Variants in PBX4 observed in about 807,000 individuals in gnomAD.
PBX4 encodes pre-B-cell leukemia transcription factor 4.
PBX4 carries 26 observed loss-of-function variants against 35.1 expected under a neutral mutation model. The ratio of observed to expected loss-of-function variants is 0.74; its 90% CI spans 0.54 to 1.03. PBX4 has a LOEUF of 1.03. PBX4 is among the 50% of genes least tolerant of loss of function. The pLI is 0.00. For missense variants in PBX4, 448 were observed against 504.3 expected, an observed-to-expected ratio of 0.89 and a Z score of 1.07; for synonymous variants, 199 against 204.2, an observed-to-expected ratio of 0.97 and a Z score of 0.22.
At chr19:19,577,432 G>A (rs912872437) in intron 2 of PBX4, among the ~76,000 whole-genome samples, 2 of 152,124 alleles carry the variant, frequency 1.3e-5, no homozygotes, top group African/African-American at 4.8e-5. Flanking sequence ...TTGTAATCGT[G>A]GGCGACCAGA....
chr19:19,595,177 A>G (rs1333386155), intron 2 of PBX4, among the ~76,000 whole-genome samples: 4 of 152,178 alleles, frequency 2.6e-5, no homozygotes, highest in Admixed American at 6.5e-5. Flanking sequence ...GCCTGTGCCT[A>G]TTGGTACACA....
chr19:19,609,723 T>TA (rs779948085), intron 1 of PBX4, among the ~76,000 whole-genome samples: 63 of 151,582 alleles, frequency 4.2e-4, no homozygotes, highest in Non-Finnish European at 8.0e-4. Flanking sequence ...TGGTGGCGGG[T>TA]GCCTGTATTC....
intron 3 of PBX4, 23 bp from the exon 4 acceptor site, chr19:19,570,322 C>A: frequency 6.3e-7 from 1 of 1,576,532 alleles, no homozygotes; most frequent in South Asian, 1.2e-5. Flanking sequence ...CACAGACACG[C>A]CGGCCTGTGA....
intron 2 of PBX4, among the ~76,000 whole-genome samples, chr19:19,585,690 CCCCA>C (rs1226597737): frequency 6.6e-6 from 1 of 152,124 alleles, no homozygotes; most frequent in African/African-American, 2.4e-5. Context: ...TTTGTTTCTG[CCCCA>C]CCCTAACTGA....
chr19:19,610,376 G>T (rs941232521), intron 1 of PBX4, among the ~76,000 whole-genome samples: 2 of 151,810 alleles, frequency 1.3e-5, no homozygotes, highest in African/African-American at 4.8e-5. Flanking sequence ...TTGTGCCATT[G>T]CACTCCAGCC....
intron 2 of PBX4, chr19:19,588,121 C>A: frequency 9.5e-7 from 1 of 1,052,992 alleles, no homozygotes; most frequent in South Asian, 1.3e-5. Context: ...TTTTTGCGTT[C>A]ATAGAAGAGG....
chr19:19,604,429 T>C (rs1418864684), intron 1 of PBX4, among the ~76,000 whole-genome samples: 4 of 129,246 alleles, frequency 3.1e-5, no homozygotes, highest in African/African-American at 1.2e-4. Flanking sequence ...ATCACATCAC[T>C]GCACTCCCGT....
chr19:19,570,714 C>T lies in PBX4; in HGVS notation c.313G>A (p.Val105Met). 1 of 1,614,166 alleles carries T rather than the reference C, an allele frequency of 6.2e-7. No homozygotes were observed. Among genetic ancestry groups the T allele is most frequent in the Non-Finnish European group, 8.5e-7 (1 of 1,180,028 alleles). ...GGTGTTGCTGTGCCGGCCCTGGCCA[C>T]CGCTCCTCCTCTTCCTCTCTTCTCG... Reference protein sequence around the residue: ...RPEKRGRGGAVARAGTATPGG... With the variant: ...RPEKRGRGGAMARAGTATPGG... Residue 105 changes from valine to methionine, a missense_variant, in exon 3 of 8, where the codon GTG (valine) becomes ATG (methionine). By Grantham distance (21) the Val-to-Met change is conservative (BLOSUM62 1). Transcript: ENST00000251203.
chr19:19,580,742 T>C (rs79257887), intron 2 of PBX4, among the ~76,000 whole-genome samples: 2,699 of 152,226 alleles, frequency 0.018, 85 homozygotes, highest in South Asian at 0.11. Context: ...TACTTAGACC[T>C]CAACTGCTTA....
intron 2 of PBX4, among the ~76,000 whole-genome samples, chr19:19,594,808 G>C (rs1026261153): frequency 4.6e-5 from 7 of 152,142 alleles, no homozygotes; most frequent in African/African-American, 1.7e-4. Flanking sequence ...TGCAACCTCT[G>C]CCTCCTGGGT....
Position 19,562,019 on chromosome 19 carries a change from C to A in PBX4, c.*6G>T. ...CGCAGCGCTCTTTCCTGCTTATCCCCCAAACTTAATTAGATGTACTGGAGT... is the reference window on the plus strand; with the variant it reads ...CGCAGCGCTCTTTCCTGCTTATCCCACAAACTTAATTAGATGTACTGGAGT... On this transcript the variant is annotated 3_prime_UTR_variant, in exon 8 of 8. Coordinates refer to ENST00000251203, the MANE Select transcript of PBX4 (RefSeq NM_025245.3). This position sits in a 1 kb window ranked among gnomAD's most constrained non-coding sequence, Gnocchi z 4.8. 6.2e-7 allele frequency: 1 copy of A among 1,609,882 alleles called. No homozygotes were observed. The highest frequency in any genetic ancestry group is 1.7e-4 in the Middle Eastern group (1 of 6,052).
chr19:19,590,201 C>T (rs577715305), intron 2 of PBX4, among the ~76,000 whole-genome samples: 4 of 152,260 alleles, frequency 2.6e-5, no homozygotes, highest in South Asian at 2.1e-4. Context: ...AAAGATACCC[C>T]GTCTCTATGA....
In PBX4 at chr19:19,588,340, C is replaced by T. The variant is rs1599361211; in HGVS notation, c.193+10952G>A. 7.7e-6 allele frequency: 9 copies of T among 1,175,096 alleles called. No individual in the cohort carries two copies. In the East Asian group the frequency reaches 1.7e-4, roughly 22 times the overall value. 72.8% of individuals were successfully genotyped at this position (1,175,096 alleles called of 1,614,324 possible). ...GTCACAGATAACACATTTGCCATCA[C>T]ATTTTTCACACAGTCATCTGATGGC... On this transcript the variant is annotated intron_variant, in intron 2 of 7. Transcript: ENST00000251203.
In PBX4 at chr19:19,563,790, T is replaced by A; in HGVS notation, c.926-175A>T. On this transcript the variant is annotated intron_variant, in intron 6 of 7. Coordinates refer to ENST00000251203, the MANE Select transcript of PBX4 (RefSeq NM_025245.3). The surrounding 1 kb of genome is among the most constrained non-coding windows in gnomAD (Gnocchi z 5.1). ...CAGCGGGCCCTCCCCACCACACTAC[T>A]CATGTCCCCTCATGGCTTGTCTTTT... 1.7e-6 allele frequency: 1 copy of A among 594,432 alleles called. No individual in the cohort carries two copies. The highest frequency in any genetic ancestry group is 3.0e-6 in the Non-Finnish European group (1 of 329,066). 36.8% of individuals were successfully genotyped at this position (594,432 alleles called of 1,614,324 possible). A position where few individuals can be genotyped will look rare whatever the true frequency, so the allele number is the denominator to read the frequency against.
At chr19:19,609,672 A>G (rs1269613097) in intron 1 of PBX4, among the ~76,000 whole-genome samples, 1 of 151,522 alleles carries the variant, frequency 6.6e-6, no homozygotes, top group Non-Finnish European at 1.5e-5. Flanking sequence ...CACACGGTGA[A>G]ACCCGGTCTC....
intron 2 of PBX4, among the ~76,000 whole-genome samples, chr19:19,589,535 C>A (rs964644069): frequency 6.6e-6 from 1 of 151,952 alleles, no homozygotes; most frequent in Non-Finnish European, 1.5e-5. Context: ...TTTGGGAGGC[C>A]GAGGCGGGTG....
At chr19:19,569,343 A>G (rs1170159246) in intron 5 of PBX4, 106 bp downstream of exon 5, 1 of 1,386,862 alleles carries the variant, frequency 7.2e-7, no homozygotes, top group Non-Finnish European at 9.6e-7. Context: ...TCCAGCAGCC[A>G]TGCCTGGCCT....
intron 2 of PBX4, among the ~76,000 whole-genome samples, chr19:19,573,103 C>T (rs2061395902): frequency 1.3e-5 from 2 of 151,772 alleles, no homozygotes; most frequent in South Asian, 2.1e-4. Flanking sequence ...GTCAGGGGTT[C>T]GAGACCAGCC....
chr19:19,586,027 A>G (rs1379123198), intron 2 of PBX4, among the ~76,000 whole-genome samples: 2 of 152,230 alleles, frequency 1.3e-5, no homozygotes, highest in African/African-American at 2.4e-5. Context: ...TTTCATTTCC[A>G]TATGTTTACA....
Sources: gnomAD v4.1 joint callset for allele counts (sites outside exome capture counted in the v4.1 genomes callset) on GRCh38, gnomAD v4.1.1 for gene constraint, Gnocchi (gnomAD v3.1) non-coding constraint, MANE v1.5 for transcripts, NCBI Gene and HGNC (gene_info 2026-07-23, HGNC 2026-07-21) for gene names.